RGS12: variants seen among roughly 807,000 people sequenced by gnomAD.
RGS12 encodes the protein regulator of G-protein signaling 12.
Under a neutral mutation model 120.1 loss-of-function variants are expected in RGS12, and 66 were observed. The ratio of observed to expected loss-of-function variants is 0.55; its 90% confidence interval spans 0.45 to 0.67. The LOEUF (loss-of-function observed/expected upper bound fraction) is 0.67. Ranked by LOEUF, RGS12 falls within the 30% of genes least tolerant of loss-of-function variation. RGS12 has a pLI of 0.00. For synonymous variants in RGS12, 827 were observed against 804.7 expected, an observed-to-expected ratio of 1.03 and a Z score of -0.47; for missense variants, 1,859 against 1,957.7, an observed-to-expected ratio of 0.95 and a Z score of 0.95.
chr4:3,316,797 C>A lies in RGS12; in HGVS notation c.627C>A (p.Phe209Leu). The change falls in exon 2 of 18, where the codon TTC becomes TTA. Residue 209 changes from phenylalanine (F) to leucine (L), a missense_variant. Phe to Leu is a conservative substitution (Grantham distance 22, BLOSUM62 0). Around this residue, in one of 3 missense-constraint regions of RGS12, gnomAD observed 967 missense variants for 994.2 expected, o/e 0.97. Coordinates refer to ENST00000336727, the MANE Select transcript of RGS12 (RefSeq NM_001394154.1). ...AAGTTATTCATGATGATTCGGTTTT[C>A]AGCATTGGACTAGAAAGTCATGACG... is the stretch of plus-strand genomic sequence containing the variant. ...ISKVIHDDSV[F>L]SIGLESHDDF... The A allele has an allele frequency of 6.2e-7, 1 of 1,614,190 alleles. No individual in the cohort carries two copies. Among genetic ancestry groups the A allele is most frequent in the Non-Finnish European group, 8.5e-7 (1 of 1,180,036 alleles).
At chr4:3,302,859 A>G (rs1352349796) in intron 1 of RGS12, among the ~76,000 whole-genome samples, 2 of 151,536 alleles carry the variant, frequency 1.3e-5, no homozygotes, top group African/African-American at 4.9e-5. Flanking sequence ...TTCAAGAGAG[A>G]GTGATTTTTG....
intron 3 of RGS12, chr4:3,385,943 A>C (rs757735323): frequency 4.6e-5 from 8 of 174,508 alleles, no homozygotes; most frequent in Non-Finnish European, 9.7e-5. Flanking sequence ...GGAGAGCGTG[A>C]GGGGCGGCGA....
intron 4 of RGS12, among the ~76,000 whole-genome samples, chr4:3,388,777 C>T (rs1302783150): frequency 2.0e-5 from 3 of 152,216 alleles, no homozygotes; most frequent in African/African-American, 7.2e-5. Flanking sequence ...GGGGTGGTCC[C>T]AGGGAAACTC....
Position 3,372,045 on chromosome 4 carries a change from C to T in RGS12, c.1999-14371C>T, listed in dbSNP as rs140989835. 3.6e-3 allele frequency among the ~76,000 whole-genome samples: 548 copies of T among 152,282 alleles called. 8 individuals are homozygous for T. Among genetic ancestry groups the T allele is most frequent in the African/African-American group, 0.013 (529 of 41,560 alleles). ...GGCTTTGGCAGGCCGGGAAGATGCC[C>T]GTGCCTGTCACCTAATCGGGGCACC... On this transcript the variant is annotated intron_variant, in intron 3 of 17. Coordinates refer to ENST00000336727, the MANE Select transcript of RGS12 (RefSeq NM_001394154.1). The surrounding 1 kb of genome is among the most constrained non-coding windows in gnomAD (Gnocchi z 4.3).
chr4:3,293,232 C>T (rs1443230485), intron 1 of RGS12, 133 bp downstream of exon 1: 1 of 146,290 alleles, frequency 6.8e-6, no homozygotes, highest in African/African-American at 2.5e-5. Context: ...CGCCCGTCCC[C>T]TCGGGGTCGC....
chr4:3,432,159 T>C, intron 17 of RGS12: 1 of 985,376 alleles, frequency 1.0e-6, no homozygotes, highest in Non-Finnish European at 1.2e-6. Context: ...AGTAATAAAT[T>C]CTGGACATCA....
chr4:3,428,304 C>T, intron 15 of RGS12, 135 bp downstream of exon 15: 1 of 905,322 alleles, frequency 1.1e-6, no homozygotes, highest in Non-Finnish European at 1.8e-6. Flanking sequence ...GGCGGGGTCT[C>T]TCTCGTCCCT....
intron 4 of RGS12, among the ~76,000 whole-genome samples, chr4:3,412,318 T>C (rs1051892326): frequency 1.3e-5 from 2 of 152,222 alleles, no homozygotes; most frequent in Non-Finnish European, 2.9e-5. Context: ...TGTGGCCTCC[T>C]TGGAAGCCTC....
At chr4:3,368,251 G>A (rs888693878) in intron 3 of RGS12, among the ~76,000 whole-genome samples, 3 of 152,204 alleles carry the variant, frequency 2.0e-5, no homozygotes, top group South Asian at 2.1e-4. Flanking sequence ...GCAGGTCAGC[G>A]TCAGGGGCTC....
rs572311635 is a variant in RGS12, at chr4:3,315,361, A to G, written c.-101-709A>G. Among the ~76,000 whole-genome samples, 4 of 152,030 alleles carry G rather than the reference A, an allele frequency of 2.6e-5. No individual in the cohort carries two copies. The South Asian group carries it at 8.3e-4, about 32-fold the overall frequency. The stretch of plus-strand genomic sequence containing the variant: ...TCTCAATGACAACCAATACTTTTAT[A>G]CCCCCTGGAAGAATTGAGTTAATAT... On this transcript the variant is annotated intron_variant, in intron 1 of 17. Coordinates refer to ENST00000336727, the MANE Select transcript of RGS12 (RefSeq NM_001394154.1).
At chr4:3,350,537 G>T (rs2108801317) in intron 3 of RGS12, among the ~76,000 whole-genome samples, 1 of 152,012 alleles carries the variant, frequency 6.6e-6, no homozygotes, top group East Asian at 1.9e-4. Flanking sequence ...AAAAAATTAG[G>T]CAGGTATGAT....
chr4:3,334,849 C>T (rs756782460), intron 2 of RGS12, among the ~76,000 whole-genome samples: 4 of 152,114 alleles, frequency 2.6e-5, no homozygotes, highest in East Asian at 1.9e-4. Flanking sequence ...AGATGCGGGT[C>T]ACTGATGTGT....
rs772877860 is a variant in RGS12 at position 3,366,603 on chromosome 4, G to A, written c.1999-19813G>A. On this transcript the variant is annotated intron_variant, in intron 3 of 17. Transcript: ENST00000336727. The surrounding 1 kb of genome is among the most constrained non-coding windows in gnomAD (Gnocchi z 4.0). ...CCGTCCCGGTTCCTGGGTGTTCCGC[G>A]CCCGTCTCCTTTCTGCTGTTGAGAA... 1.3e-5 allele frequency among the ~76,000 whole-genome samples: 2 copies of A among 152,222 alleles called. No homozygotes were observed. The highest frequency in any genetic ancestry group is 2.4e-5 in the African/African-American group (1 of 41,460).
chr4:3,287,573 G>A, the RGS12 span, among the ~76,000 whole-genome samples: 1 of 152,190 alleles, frequency 6.6e-6, no homozygotes, highest in African/African-American at 2.4e-5. Context: ...TGGCCCTGGC[G>A]GCCCGAGGAA....
chr4:3,360,026 C>T (rs2108837788), intron 3 of RGS12, among the ~76,000 whole-genome samples: 1 of 152,306 alleles, frequency 6.6e-6, no homozygotes, highest in East Asian at 1.9e-4. Flanking sequence ...TCCCAAAGTG[C>T]TGGGATTACA....
chr4:3,387,663 A>C (rs1157307704), intron 4 of RGS12, among the ~76,000 whole-genome samples: 1 of 152,204 alleles, frequency 6.6e-6, no homozygotes, highest in Non-Finnish European at 1.5e-5. Context: ...AGGGAGGATA[A>C]ACTTCCTTAA....
At chr4:3,381,395 T>C (rs1424941733) in intron 3 of RGS12, among the ~76,000 whole-genome samples, 14 of 152,210 alleles carry the variant, frequency 9.2e-5, no homozygotes, top group Admixed American at 9.2e-4. Context: ...GCACCCTACT[T>C]CTGGTAGCAA....
At chr4:3,344,057 G>T (rs982973294) in intron 3 of RGS12, among the ~76,000 whole-genome samples, 3 of 152,170 alleles carry the variant, frequency 2.0e-5, no homozygotes, top group Non-Finnish European at 4.4e-5. Context: ...CCTTCAGCGC[G>T]TGTGGGACGG....
At chr4:3,305,093 A>G (rs1365867482) in intron 1 of RGS12, among the ~76,000 whole-genome samples, 1 of 152,232 alleles carries the variant, frequency 6.6e-6, no homozygotes, top group Non-Finnish European at 1.5e-5. Flanking sequence ...AGAGACATCC[A>G]TTCCTTGTCA....
Sources: allele counts gnomAD v4.1 joint callset (sites outside exome capture counted in the v4.1 genomes callset), GRCh38; gene constraint gnomAD v4.1.1; regional missense constraint gnomAD v4.1.1; non-coding constraint Gnocchi (gnomAD v3.1); transcripts MANE v1.5; gene names NCBI Gene and HGNC (gene_info 2026-07-23, HGNC 2026-07-21).